The following DISC1 variants were observed in gnomAD, a reference collection of about 807,000 sequenced individuals.
The protein encoded by DISC1 is disrupted in schizophrenia 1 protein.
DISC1 carries 57 observed loss-of-function variants against 84.5 expected under a neutral mutation model. The ratio of observed to expected loss-of-function variants is 0.67; its 90% CI spans 0.55 to 0.84. The LOEUF (loss-of-function observed/expected upper bound fraction) is 0.84, where lower values mean the gene tolerates loss of function less well. Ranked by LOEUF, DISC1 falls within the 40% of genes least tolerant of loss-of-function variation. The pLI is 0.00. For missense variants in DISC1, 1,000 were observed against 1,057.8 expected (o/e 0.95, Z 0.76); for synonymous variants, 411 against 415.2 (o/e 0.99, Z 0.12).
chr1:231,759,802 C>A (rs549884517), intron 4 of DISC1, among the ~76,000 whole-genome samples: 1 of 152,242 alleles, frequency 6.6e-6, no homozygotes, highest in South Asian at 2.1e-4. Flanking sequence ...CAGTGGCATG[C>A]CCTGTGTCCC....
intron 9 of DISC1, among the ~76,000 whole-genome samples, chr1:231,856,089 T>C (rs1440230782): frequency 6.6e-6 from 1 of 152,232 alleles, no homozygotes; most frequent in Non-Finnish European, 1.5e-5. Flanking sequence ...TGTCAAGCTG[T>C]GTGAGCCTAA....
At chr1:231,945,492 T>A (rs1264588327) in intron 9 of DISC1, among the ~76,000 whole-genome samples, 1 of 152,180 alleles carries the variant, frequency 6.6e-6, no homozygotes, top group Non-Finnish European at 1.5e-5. Flanking sequence ...TAGCACTAAA[T>A]GTCCACAGGA....
chr1:231,738,403 T>G (rs1272676338), intron 3 of DISC1, among the ~76,000 whole-genome samples: 1 of 152,222 alleles, frequency 6.6e-6, no homozygotes, highest in Non-Finnish European at 1.5e-5. Flanking sequence ...AATCGTTCTC[T>G]GTCTTCCATG....
chr1:231,866,657 T>C lies in DISC1; in HGVS notation c.1981+48140T>C, dbSNP rs2085084406. 15 of 1,541,824 alleles carry C rather than the reference T, an allele frequency of 9.7e-6. No homozygotes were observed. The East Asian group carries it at 3.4e-4, about 35-fold the overall frequency. Reference sequence around the variant, plus strand: ...GCCCCCAGCGCTCAACTACTATTAATTGAAAGGGCATTGAAGAGACATGAT... The same window carrying C: ...GCCCCCAGCGCTCAACTACTATTAACTGAAAGGGCATTGAAGAGACATGAT... On this transcript the variant is annotated intron_variant, in intron 9 of 12. Coordinates refer to ENST00000439617, the MANE Select transcript of DISC1 (RefSeq NM_018662.3).
At chr1:231,828,215 T>C (rs2081994863) in intron 9 of DISC1, among the ~76,000 whole-genome samples, 1 of 152,234 alleles carries the variant, frequency 6.6e-6, no homozygotes. Flanking sequence ...TATATTACGA[T>C]TGCATGGTCT....
intron 9 of DISC1, among the ~76,000 whole-genome samples, chr1:231,828,766 C>T (rs1165044527): frequency 2.0e-5 from 3 of 152,106 alleles, no homozygotes; most frequent in Admixed American, 2.0e-4. Flanking sequence ...TGCAATTTTA[C>T]ATCCTCTGTC....
chr1:231,885,776 G>C (rs2086635908), intron 9 of DISC1, among the ~76,000 whole-genome samples: 1 of 152,194 alleles, frequency 6.6e-6, no homozygotes, highest in Admixed American at 6.5e-5. Context: ...AGGAGGCAGA[G>C]AAAGAGGTGG....
At chr1:231,964,337 C>T (rs1188457092) in intron 10 of DISC1, among the ~76,000 whole-genome samples, 1 of 152,224 alleles carries the variant, frequency 6.6e-6, no homozygotes, top group Non-Finnish European at 1.5e-5. Flanking sequence ...GCTGACGTTG[C>T]AAAGCCACCT....
Position 231,909,892 on chromosome 1 carries a change from G to C in DISC1, c.1982-48936G>C, listed in dbSNP as rs190462305. 1.7e-3 allele frequency among the ~76,000 whole-genome samples: 259 copies of C among 152,192 alleles called. 1 individual carries two copies. Among genetic ancestry groups the C allele is most frequent in the East Asian group, 9.8e-3 (51 of 5,178 alleles). On this transcript the variant is annotated intron_variant, in intron 9 of 12. Transcript: ENST00000439617. ...CTATTCAGGGATTCAACTTCTTCCT[G>C]GTTTAGTCTTGGGAGGATGTATGTG...
At position 231,950,915 on chromosome 1, in the gene DISC1, G is replaced by A. The variant is rs1310171549; in HGVS notation, c.1982-7913G>A. On this transcript the variant is annotated intron_variant, in intron 9 of 12. Transcript: ENST00000439617. The stretch of plus-strand genomic sequence containing the variant: ...ACCTATGTAAGTATCAAGACAGACA[G>A]GTCTTTGAGATGTGCTCCAGGGTTC... 2.0e-5 allele frequency among the ~76,000 whole-genome samples: 3 copies of A among 152,194 alleles called. No homozygotes were observed. The East Asian group carries it at 5.8e-4, about 29-fold the overall frequency.
chr1:232,005,615 C>T (rs888373279), intron 10 of DISC1, among the ~76,000 whole-genome samples: 1 of 152,134 alleles, frequency 6.6e-6, no homozygotes, highest in Non-Finnish European at 1.5e-5. Flanking sequence ...AGCTGATAAT[C>T]TCTTCTAATA....
Position 232,008,943 on chromosome 1 carries a change from C to A in DISC1, c.2201C>A (p.Pro734His). The change falls in exon 11 of 13, where the codon CCC (proline) becomes CAC (histidine). Residue 734 changes from proline to histidine, a missense_variant. Pro to His is a moderately conservative substitution (Grantham distance 77). Transcript: ENST00000439617. ...DLEGAAPPIP[P>H]RLHSEDKRKT... ...GAGGGAGCTGCTCCTCCTATTCCCC[C>A]CAGGCTCCACTCCGAGGATAAAAGG... 3 of 1,613,630 alleles carry A rather than the reference C, an allele frequency of 1.9e-6. No individual in the cohort carries two copies. The highest frequency in any genetic ancestry group is 1.1e-5 in the South Asian group (1 of 91,072).
At chr1:231,899,059 A>G (rs1558706988) in intron 9 of DISC1, among the ~76,000 whole-genome samples, 1 of 152,030 alleles carries the variant, frequency 6.6e-6, no homozygotes, top group Admixed American at 6.6e-5. Flanking sequence ...AGATCTTACC[A>G]GGAAATCCTC....
At chr1:231,888,769 C>A (rs1243195563) in intron 9 of DISC1, among the ~76,000 whole-genome samples, 1 of 149,978 alleles carries the variant, frequency 6.7e-6, no homozygotes, top group Non-Finnish European at 1.5e-5. Flanking sequence ...AAAGAGTGTC[C>A]ACCCCAGTGC....
intron 10 of DISC1, among the ~76,000 whole-genome samples, chr1:231,962,698 G>A (rs550930628): frequency 1.3e-5 from 2 of 152,298 alleles, no homozygotes; most frequent in East Asian, 1.9e-4. Context: ...AACAGTGGAT[G>A]TGGGAGTTAT....
chr1:231,723,538 T>C (rs2125120314), intron 3 of DISC1: 1 of 985,512 alleles, frequency 1.0e-6, no homozygotes, highest in Admixed American at 6.1e-5. Flanking sequence ...AAATTTCATA[T>C]AGCATGTCTG....
intron 9 of DISC1, among the ~76,000 whole-genome samples, chr1:231,912,762 T>A (rs2089321488): frequency 7.4e-6 from 1 of 135,230 alleles, no homozygotes; most frequent in African/African-American, 2.8e-5. Flanking sequence ...TCTTTCTTTC[T>A]TTCTTTCTTT....
At chr1:231,720,687 C>T (rs1198337734) in intron 3 of DISC1, among the ~76,000 whole-genome samples, 1 of 152,146 alleles carries the variant, frequency 6.6e-6, no homozygotes, top group Non-Finnish European at 1.5e-5. Flanking sequence ...CCTAACTTGA[C>T]TACTTTTAGT....
At chr1:231,895,436 A>G (rs1475644847) in intron 9 of DISC1, among the ~76,000 whole-genome samples, 2 of 151,858 alleles carry the variant, frequency 1.3e-5, no homozygotes, top group African/African-American at 4.8e-5. Context: ...GTGTGTATAT[A>G]TATATATATG....
Sources: gnomAD v4.1 joint callset for allele counts (sites outside exome capture counted in the v4.1 genomes callset) on GRCh38, gnomAD v4.1.1 for gene constraint, MANE v1.5 for transcripts, NCBI Gene and HGNC (gene_info 2026-07-23, HGNC 2026-07-21) for gene names.